The following MTOR variants were observed in gnomAD, a reference collection of about 807,000 sequenced individuals.
The protein encoded by MTOR is serine/threonine-protein kinase mTOR.
In MTOR, 70 loss-of-function variants were observed where a neutral mutation model predicts 319.8. The observed-to-expected ratio is 0.22, with a 90% CI of 0.18 to 0.27. The LOEUF (loss-of-function observed/expected upper bound fraction) is 0.27, where lower values mean the gene tolerates loss of function less well. Ranked by LOEUF, MTOR falls within the 10% of genes least tolerant of loss-of-function variation. MTOR has a pLI of 1.00. For synonymous variants in MTOR, 1,183 were observed against 1,211.4 expected, an observed-to-expected ratio of 0.98 and a Z score of 0.49; for missense variants, 1,890 against 3,274.4, an observed-to-expected ratio of 0.58 and a Z score of 10.32.
intron 26 of MTOR, 142 bp downstream of exon 26, chr1:11,204,419 T>G: frequency 1.7e-6 from 2 of 1,186,744 alleles, no homozygotes; most frequent in Non-Finnish European, 2.3e-6. Flanking sequence ...GCTTGTTGAA[T>G]TTGTCTTTCT....
chr1:11,163,633 TC>T, intron 29 of MTOR, among the ~76,000 whole-genome samples: 1 of 152,140 alleles, frequency 6.6e-6, no homozygotes, highest in Admixed American at 6.5e-5. Flanking sequence ...AGAAACTCAT[TC>T]AAAACCGCTC....
intron 34 of MTOR, among the ~76,000 whole-genome samples, chr1:11,142,562 G>A (rs1422304586): frequency 1.3e-5 from 2 of 152,136 alleles, no homozygotes; most frequent in Non-Finnish European, 2.9e-5. Flanking sequence ...CTCCCAAAGT[G>A]CTGGGATTAC....
At position 11,133,404 on chromosome 1, in the gene MTOR, T is replaced by C. The variant is rs1643255818; in HGVS notation, c.5247-207A>G. On this transcript the variant is annotated intron_variant, in intron 37 of 57. Coordinates refer to ENST00000361445, the MANE Select transcript of MTOR (RefSeq NM_004958.4). This position sits in a 1 kb window ranked among gnomAD's most constrained non-coding sequence, Gnocchi z 4.0. ...ACATTTTTAAGATACCATCTTTCCA[T>C]CTTGACCTTTGTCTCTCAATGACAG... Among the ~76,000 whole-genome samples the C allele has an allele frequency of 6.6e-6, 1 of 152,200 alleles. No homozygotes were observed.
At position 11,218,532 on chromosome 1, in the gene MTOR, A is replaced by G. The variant is rs750570529; in HGVS notation, c.3031-2298T>C. Among the ~76,000 whole-genome samples, 3 of 152,174 alleles carry G rather than the reference A, an allele frequency of 2.0e-5. 1 individual carries two copies. The highest frequency in any genetic ancestry group is 4.1e-4 in the South Asian group (2 of 4,830). On this transcript the variant is annotated intron_variant, in intron 19 of 57. Coordinates refer to ENST00000361445, the MANE Select transcript of MTOR (RefSeq NM_004958.4). ...TGCAAAGCCTGAAAGAAAGTAGAAA[A>G]CCTAAGCTGGAGGAAAACAGGCCTA...
At chr1:11,191,024 C>T (rs901019271) in intron 28 of MTOR, among the ~76,000 whole-genome samples, 2 of 152,180 alleles carry the variant, frequency 1.3e-5, no homozygotes, top group Non-Finnish European at 2.9e-5. Context: ...TATTCTCAGG[C>T]CATTTTCCAG....
chr1:11,173,444 AT>A (rs1275103160), intron 28 of MTOR, among the ~76,000 whole-genome samples: 10 of 144,140 alleles, frequency 6.9e-5, no homozygotes, highest in East Asian at 2.0e-4. Flanking sequence ...ACACATTATT[AT>A]TTTTTTTTTG....
At chr1:11,139,068 A>G in intron 36 of MTOR, 1 of 485,732 alleles carries the variant, frequency 2.1e-6, no homozygotes, top group Non-Finnish European at 3.5e-6. Context: ...AGATACAAAT[A>G]CATATAACTG....
intron 19 of MTOR, among the ~76,000 whole-genome samples, chr1:11,222,213 T>C (rs1331969972): frequency 6.6e-6 from 1 of 151,972 alleles, no homozygotes; most frequent in Non-Finnish European, 1.5e-5. Context: ...TTTTTTTTTT[T>C]TGAGACGGAG....
At chr1:11,120,520 GAAA>G (rs759905739) in intron 49 of MTOR, among the ~76,000 whole-genome samples, 4 of 137,136 alleles carry the variant, frequency 2.9e-5, no homozygotes, top group African/African-American at 2.6e-5. Context: ...CCTGGGCGGG[GAAA>G]AAAAAAAAAA....
Position 11,129,648 on chromosome 1 carries a change from T to G in MTOR, c.5714+90A>C, listed in dbSNP as rs1643017076. ...TCGATCTTGGGTGTCCTGATCAGGG[T>G]CAGGAAGGGAAAGAGGACTTTTACG... On this transcript the variant is annotated intron_variant, in intron 40 of 57. Transcript: ENST00000361445. This position sits in a 1 kb window ranked among gnomAD's most constrained non-coding sequence, Gnocchi z 4.7. 1 of 1,155,130 alleles carries G rather than the reference T, an allele frequency of 8.7e-7. No individual in the cohort carries two copies. Among genetic ancestry groups the G allele is most frequent in the Non-Finnish European group, 1.3e-6 (1 of 786,486 alleles). The allele number at this position is 1,155,130 out of a possible 1,614,324, so 71.6% of individuals were successfully genotyped here. A position where few individuals can be genotyped will look rare whatever the true frequency, so the allele number is the denominator to read the frequency against.
Position 11,256,012 on chromosome 1 carries a change from G to C in MTOR, c.685C>G (p.Gln229Glu), listed in dbSNP as rs1650356531. The change falls in exon 5 of 58, where the codon CAG becomes GAG. Residue 229 changes from glutamine to glutamate, a missense_variant. Physicochemically the swap from Gln to Glu is conservative, Grantham distance 29. Transcript: ENST00000361445. Reference protein sequence around the residue: ...LTTQREPKEMQKPQWYRHTFE... With the variant: ...LTTQREPKEMEKPQWYRHTFE... ...CTTACCCTGTACCACTGAGGCTTCT[G>C]CATCTCCTTCGGCTCACGCTGGGTT... is the stretch of plus-strand genomic sequence containing the variant. 6.2e-7 allele frequency: 1 copy of C among 1,614,022 alleles called. No individual in the cohort carries two copies. The highest frequency in any genetic ancestry group is 8.5e-7 in the Non-Finnish European group (1 of 1,180,048).
intron 13 of MTOR, among the ~76,000 whole-genome samples, chr1:11,235,332 A>C (rs1054089693): frequency 2.0e-5 from 3 of 152,148 alleles, no homozygotes; most frequent in Admixed American, 2.0e-4. Context: ...AGAAAGGCCA[A>C]AGTCGGCCAG....
chr1:11,228,052 A>G (rs188285864), intron 19 of MTOR, among the ~76,000 whole-genome samples: 4 of 152,134 alleles, frequency 2.6e-5, no homozygotes, highest in African/African-American at 9.7e-5. Context: ...TTCACTAAAA[A>G]TGTTACGACT....
Position 11,109,193 on chromosome 1 carries a change from G to A in MTOR, c.7528+97C>T, listed in dbSNP as rs562960996. On this transcript the variant is annotated intron_variant, in intron 56 of 57. Transcript: ENST00000361445. The surrounding 1 kb of genome is among the most constrained non-coding windows in gnomAD (Gnocchi z 4.0). ...TGTCAGCTGCATGGTGCCAAAGCTCGTCACTAACACCACTGGACATGGGGC... is the reference window on the plus strand; with the variant it reads ...TGTCAGCTGCATGGTGCCAAAGCTCATCACTAACACCACTGGACATGGGGC... 1,054 of 1,071,356 alleles carry A rather than the reference G, an allele frequency of 9.8e-4. 3 individuals are homozygous for A. Among genetic ancestry groups the A allele is most frequent in the South Asian group, 3.5e-3 (236 of 67,552 alleles). 66.4% of individuals were successfully genotyped at this position (1,071,356 alleles called of 1,614,324 possible).
chr1:11,234,661 C>T lies in MTOR; in HGVS notation c.2209-396G>A, dbSNP rs368728617. ...CTTGGGAGAAAAATCTTTGTCCAGA[C>T]AGCAAATTACTGAAGACTACAAATA... On this transcript the variant is annotated intron_variant, in intron 13 of 57. Coordinates refer to ENST00000361445, the MANE Select transcript of MTOR (RefSeq NM_004958.4). 3.2e-4 allele frequency among the ~76,000 whole-genome samples: 49 copies of T among 152,258 alleles called. No individual in the cohort carries two copies. The South Asian group carries it at 8.1e-3, about 25-fold the overall frequency.
chr1:11,128,116 T>C lies in MTOR; in HGVS notation c.5921A>G (p.Tyr1974Cys), dbSNP rs1570942353. 1 of 1,613,974 alleles carries C rather than the reference T, an allele frequency of 6.2e-7. No individual in the cohort carries two copies. The highest frequency in any genetic ancestry group is 8.5e-7 in the Non-Finnish European group (1 of 1,179,996). ...IGRYHPQALI[Y>C]PLTVASKSTT... is the part of the protein sequence containing the mutation. ...AGACTTAGAAGCCACTGTCAGTGGG[T>C]AGATGAGGGCCTGAGGGAAAAACAG... Residue 1974 changes from tyrosine to cysteine, a missense_variant, in exon 43 of 58, where the codon TAC (tyrosine) becomes TGC (cysteine). Coordinates refer to ENST00000361445, the MANE Select transcript of MTOR (RefSeq NM_004958.4). The surrounding 1 kb of genome is among the most constrained non-coding windows in gnomAD (Gnocchi z 5.3).
Position 11,129,830 on chromosome 1 carries a change from G to T in MTOR, c.5622C>A (p.Ser1874=), listed in dbSNP as rs539302006. 6.2e-7 allele frequency: 1 copy of T among 1,613,994 alleles called. No individual in the cohort carries two copies. The highest frequency in any genetic ancestry group is 1.7e-5 in the Admixed American group (1 of 60,014). Residue 1874 remains serine (S), a synonymous_variant, in exon 40 of 58, where the codon TCC becomes TCA. Coordinates refer to ENST00000361445, the MANE Select transcript of MTOR (RefSeq NM_004958.4). The surrounding 1 kb of genome is among the most constrained non-coding windows in gnomAD (Gnocchi z 4.7). The stretch of plus-strand genomic sequence containing the variant: ...GCACCGTGTACATCAGGAGGGTTTT[G>T]GACAGATCCTGTTGGAACACACACG... ...PLQKKVTEDL[S]KTLLMYTVPA...
intron 25 of MTOR, among the ~76,000 whole-genome samples, chr1:11,208,730 G>C (rs1365212272): frequency 6.6e-6 from 1 of 152,220 alleles, no homozygotes; most frequent in Non-Finnish European, 1.5e-5. Context: ...GGCATACATG[G>C]TGAAAAGCTG....
chr1:11,180,801 G>A (rs1571085956), intron 28 of MTOR, among the ~76,000 whole-genome samples: 1 of 146,864 alleles, frequency 6.8e-6, no homozygotes, highest in East Asian at 2.0e-4. Flanking sequence ...TTTTTTTGAC[G>A]GAGTCTTGCT....
Sources: allele counts gnomAD v4.1 joint callset (sites outside exome capture counted in the v4.1 genomes callset), GRCh38; gene constraint gnomAD v4.1.1; non-coding constraint Gnocchi (gnomAD v3.1); transcripts MANE v1.5; gene names NCBI Gene and HGNC (gene_info 2026-07-23, HGNC 2026-07-21).